The following LRRIQ1 variants were observed in gnomAD, a reference collection of about 807,000 sequenced individuals.
LRRIQ1 encodes the protein leucine-rich repeat- and IQ domain-containing protein 1.
A neutral mutation model predicts 211.9 loss-of-function variants in LRRIQ1; 210 were observed. The observed-to-expected ratio is 0.99, with a 90% CI of 0.89 to 1.11. The LOEUF is 1.11. Ranked by LOEUF, LRRIQ1 falls within the 50% of genes most tolerant of loss-of-function variation. LRRIQ1 has a pLI of 0.00. For missense variants in LRRIQ1, 2,136 were observed against 1,939.5 expected (o/e 1.10, Z -1.90); for synonymous variants, 699 against 650.1 (o/e 1.08, Z -1.14).
At chr12:85,253,572 A>C (rs1896008645) in intron 1 of LRRIQ1, among the ~76,000 whole-genome samples, 1 of 152,048 alleles carries the variant, frequency 6.6e-6, no homozygotes, top group African/African-American at 2.4e-5. Context: ...CTTCTCATTA[A>C]AGGAAGAGAA....
intron 24 of LRRIQ1, among the ~76,000 whole-genome samples, chr12:85,175,659 A>G (rs2136843069): frequency 6.6e-6 from 1 of 152,204 alleles, no homozygotes; most frequent in East Asian, 1.9e-4. Context: ...TAAGTCTTTA[A>G]TCCATCTTGA....
chr12:85,152,150 G>C (rs755729361), intron 19 of LRRIQ1, 130 bp from the exon 20 acceptor site: 140 of 666,234 alleles, frequency 2.1e-4, no homozygotes, highest in Non-Finnish European at 3.1e-4. Flanking sequence ...ACAATAGTAA[G>C]TAGAAAATTT....
intron 24 of LRRIQ1, among the ~76,000 whole-genome samples, chr12:85,225,162 T>A (rs1307310482): frequency 6.6e-6 from 1 of 152,126 alleles, no homozygotes; most frequent in South Asian, 2.1e-4. Flanking sequence ...CCTAAAAAAA[T>A]TAGTATAACA....
intron 4 of LRRIQ1, among the ~76,000 whole-genome samples, 187 bp from the exon 5 acceptor site, chr12:85,045,833 T>C (rs559028145): frequency 2.6e-5 from 4 of 152,062 alleles, no homozygotes; most frequent in Non-Finnish European, 5.9e-5. Context: ...AATGCTTGCA[T>C]GGGAAAATTT....
chr12:85,215,464 T>A (rs1179734073), intron 24 of LRRIQ1, among the ~76,000 whole-genome samples: 1 of 152,146 alleles, frequency 6.6e-6, no homozygotes. Context: ...TTAAGCCTAG[T>A]ACCCATTAAT....
intron 11 of LRRIQ1, among the ~76,000 whole-genome samples, chr12:85,073,609 T>TAGG (rs563468352): frequency 1.3e-5 from 2 of 152,204 alleles, no homozygotes; most frequent in South Asian, 4.1e-4. Flanking sequence ...TTTCCTGGCA[T>TAGG]AGGATATCAG....
intron 16 of LRRIQ1, 148 bp downstream of exon 16, chr12:85,122,024 A>G (rs1390482771): frequency 5.8e-6 from 3 of 515,644 alleles, no homozygotes; most frequent in Non-Finnish European, 9.2e-6. Context: ...AACTTTGGAC[A>G]TCATGTTTTT....
chr12:85,160,518 T>A (rs529403849), intron 23 of LRRIQ1, 95 bp from the exon 24 acceptor site: 3 of 672,560 alleles, frequency 4.5e-6, no homozygotes, highest in Non-Finnish European at 7.5e-6. Flanking sequence ...AAAGTGGATT[T>A]TTTTTTTACT....
chr12:85,091,361 A>G (rs995232793), intron 11 of LRRIQ1, among the ~76,000 whole-genome samples: 2 of 152,026 alleles, frequency 1.3e-5, no homozygotes, highest in Non-Finnish European at 2.9e-5. Context: ...TGTTTGTTGA[A>G]TTGTTTAAAA....
intron 18 of LRRIQ1, among the ~76,000 whole-genome samples, chr12:85,128,464 G>C (rs991877829): frequency 6.6e-6 from 1 of 152,136 alleles, no homozygotes; most frequent in African/African-American, 2.4e-5. Context: ...GGTGGGTGTG[G>C]TGATGCACAC....
intron 8 of LRRIQ1, among the ~76,000 whole-genome samples, chr12:85,061,152 A>G (rs1881749758): frequency 6.6e-6 from 1 of 151,784 alleles, no homozygotes. Flanking sequence ...ATTTATTTTA[A>G]GAAACATTTA....
chr12:85,040,416 G>T (rs1262029962), intron 2 of LRRIQ1, 74 bp from the exon 3 acceptor site: 12 of 787,054 alleles, frequency 1.5e-5, no homozygotes, highest in Non-Finnish European at 2.2e-5. Context: ...GCTGTGGAAT[G>T]AAGGGTCCAA....
intron 24 of LRRIQ1, among the ~76,000 whole-genome samples, chr12:85,168,209 G>C (rs964725486): frequency 1.3e-5 from 2 of 152,050 alleles, no homozygotes; most frequent in African/African-American, 4.8e-5. Context: ...ATTCCTGAAG[G>C]GGCTGGGCCA....
chr12:85,131,739 G>A (rs1342097497), intron 18 of LRRIQ1, among the ~76,000 whole-genome samples: 5 of 151,892 alleles, frequency 3.3e-5, no homozygotes, highest in African/African-American at 1.2e-4. Flanking sequence ...TGCTACAGGG[G>A]GTAAGAGTTG....
intron 26 of LRRIQ1, among the ~76,000 whole-genome samples, chr12:85,235,127 TTC>T (rs1593007312): frequency 6.6e-6 from 1 of 152,306 alleles, no homozygotes; most frequent in East Asian, 1.9e-4. Context: ...TAAATAACAT[TTC>T]TGTCTTTCAA....
chr12:85,058,665 AT>A (rs1315220175), intron 8 of LRRIQ1, among the ~76,000 whole-genome samples: 2 of 151,988 alleles, frequency 1.3e-5, no homozygotes, highest in Non-Finnish European at 2.9e-5. Flanking sequence ...ACGTTTGTCA[AT>A]TTACATAAAA....
At chr12:85,107,667 C>G (rs898857167) in intron 15 of LRRIQ1, among the ~76,000 whole-genome samples, 18 of 152,002 alleles carry the variant, frequency 1.2e-4, no homozygotes, top group African/African-American at 4.1e-4. Flanking sequence ...TCAACAATAT[C>G]AGACCACTTG....
At position 85,099,529 on chromosome 12, in the gene LRRIQ1, G is replaced by A. The variant is rs1886179259; in HGVS notation, c.3209+535G>A. On this transcript the variant is annotated intron_variant, in intron 13 of 26. Coordinates refer to ENST00000393217, the MANE Select transcript of LRRIQ1 (RefSeq NM_001079910.2). ...GGTACCTGCCTCAGAAGATCTATTT[G>A]AAACCACCAAACATCTGGATCTTTG... 2.6e-5 allele frequency among the ~76,000 whole-genome samples: 4 copies of A among 151,754 alleles called. No individual in the cohort carries two copies. In the South Asian group the frequency reaches 6.2e-4, roughly 24 times the overall value.
intron 26 of LRRIQ1, among the ~76,000 whole-genome samples, chr12:85,236,836 T>TATATATATATAC (rs1157797961): frequency 7.1e-6 from 1 of 140,792 alleles, no homozygotes; most frequent in Non-Finnish European, 1.5e-5. Context: ...TGTGCATATA[T>TATATATATATAC]ATATATATAT....
Sources: allele counts gnomAD v4.1 joint callset (sites outside exome capture counted in the v4.1 genomes callset), GRCh38; gene constraint gnomAD v4.1.1; transcripts MANE v1.5; gene names NCBI Gene and HGNC (gene_info 2026-07-23, HGNC 2026-07-21).